Variants in EML5 observed in about 807,000 individuals in gnomAD.
EML5 encodes the protein echinoderm microtubule-associated protein-like 5.
In EML5, 120 loss-of-function variants were observed where a neutral mutation model predicts 250.0. That is an observed-to-expected ratio of 0.48 (90% CI 0.41 to 0.56). The LOEUF (loss-of-function observed/expected upper bound fraction) is 0.56, where lower values mean the gene tolerates loss of function less well. Ranked by LOEUF, EML5 falls within the 20% of genes least tolerant of loss-of-function variation. EML5 has a pLI of 0.00. For synonymous variants in EML5, 771 were observed against 806.5 expected (o/e 0.96, Z 0.75); for missense variants, 2,006 against 2,437.6 (o/e 0.82, Z 3.73).
chr14:88,624,641 A>G (rs2089634613), intron 36 of EML5: 1 of 225,888 alleles, frequency 4.4e-6, no homozygotes, highest in South Asian at 8.9e-5. Context: ...TCAAAATACA[A>G]CCCTGGCTCC....
intron 8 of EML5, among the ~76,000 whole-genome samples, chr14:88,715,886 AG>A (rs1205620570): frequency 6.6e-6 from 1 of 152,118 alleles, no homozygotes; most frequent in East Asian, 1.9e-4. Context: ...CATGTTGACC[AG>A]TGAAGTGGAA....
At chr14:88,770,766 T>C (rs148977792) in intron 1 of EML5, among the ~76,000 whole-genome samples, 3 of 152,216 alleles carry the variant, frequency 2.0e-5, no homozygotes, top group Admixed American at 1.3e-4. Context: ...AAACTCAACA[T>C]TTATGGATTA....
rs199524770 is a variant in EML5, at chr14:88,681,963, G to A, written c.3051C>T (p.Ser1017=). The A allele has an allele frequency of 3.9e-5, 63 of 1,613,400 alleles. No homozygotes were observed. The East Asian group carries it at 5.6e-4, about 14-fold the overall frequency. ...HPYLPICATV[S]DDKTLRIWDL... ...CCCATATTCTTAAGGTTTTATCATC[G>A]CTTACAGTAGCACAGATGGGCAGAT... is the stretch of plus-strand genomic sequence containing the variant. The change falls in exon 21 of 44, where the codon AGC becomes AGT. Residue 1017 remains serine (S), a synonymous_variant. Coordinates refer to ENST00000554922, the MANE Select transcript of EML5 (RefSeq NM_183387.3).
chr14:88,778,409 G>C (rs979479361), intron 1 of EML5, among the ~76,000 whole-genome samples: 1 of 152,142 alleles, frequency 6.6e-6, no homozygotes, highest in African/African-American at 2.4e-5. Context: ...AAGCCACTGT[G>C]GTTTGCCCTG....
chr14:88,626,572 G>T, intron 35 of EML5: 1 of 406,522 alleles, frequency 2.5e-6, no homozygotes, highest in Non-Finnish European at 4.5e-6. Context: ...AGCTATAATC[G>T]CACCATTGCA....
chr14:88,634,016 T>C (rs2090586400), intron 33 of EML5, among the ~76,000 whole-genome samples: 1 of 152,194 alleles, frequency 6.6e-6, no homozygotes. Context: ...AGTAACAAGA[T>C]ACTTGATGAT....
In EML5 at chr14:88,620,120, A is replaced by G. The variant is rs1219223166; in HGVS notation, c.5375+634T>C. 3.9e-5 allele frequency: 6 copies of G among 152,226 alleles called. No homozygotes were observed. The highest frequency in any genetic ancestry group is 1.4e-4 in the African/African-American group (6 of 41,460). 9.4% of individuals were successfully genotyped at this position (152,226 alleles called of 1,614,324 possible). On this transcript the variant is annotated intron_variant, in intron 39 of 43. Coordinates refer to ENST00000554922, the MANE Select transcript of EML5 (RefSeq NM_183387.3). The surrounding 1 kb of genome is among the most constrained non-coding windows in gnomAD (Gnocchi z 4.3). ...AGGGAAGCCACTGTTACTATTTTAT[A>G]TATTGAAGTTCTGAGGAAGGTTTCA...
chr14:88,679,981 T>C (rs1478440252), intron 21 of EML5, among the ~76,000 whole-genome samples: 1 of 152,188 alleles, frequency 6.6e-6, no homozygotes, highest in African/African-American at 2.4e-5. Flanking sequence ...TTAATAAACT[T>C]TGCTCCTTAA....
rs889792100 is a variant in EML5, at chr14:88,620,236, C to T, written c.5375+518G>A. On this transcript the variant is annotated intron_variant, in intron 39 of 43. Coordinates refer to ENST00000554922, the MANE Select transcript of EML5 (RefSeq NM_183387.3). This position sits in a 1 kb window ranked among gnomAD's most constrained non-coding sequence, Gnocchi z 4.3. Reference sequence around the variant, plus strand: ...ATCTACTGATCACACGGAAGTACTCCGTAAATGGTAGCCACTGTTGAAAAA... The same window carrying T: ...ATCTACTGATCACACGGAAGTACTCTGTAAATGGTAGCCACTGTTGAAAAA... 1 of 152,156 alleles carries T rather than the reference C, an allele frequency of 6.6e-6. No individual in the cohort carries two copies. Among genetic ancestry groups the T allele is most frequent in the Non-Finnish European group, 1.5e-5 (1 of 68,060 alleles). 9.4% of individuals were successfully genotyped at this position (152,156 alleles called of 1,614,324 possible).
In EML5 at chr14:88,630,270, T is replaced by A. The variant is rs530606618; in HGVS notation, c.4358-2451A>T. 1.3e-3 allele frequency among the ~76,000 whole-genome samples: 198 copies of A among 152,236 alleles called. 1 individual carries two copies. The highest frequency in any genetic ancestry group is 4.6e-3 in the African/African-American group (192 of 41,550). On this transcript the variant is annotated intron_variant, in intron 33 of 43. Coordinates refer to ENST00000554922, the MANE Select transcript of EML5 (RefSeq NM_183387.3). The stretch of plus-strand genomic sequence containing the variant: ...GTCTTGAACTCCCGGCCTCAGGTGA[T>A]CTGCCTGCCTTGGCCTCCCAAAGTG...
chr14:88,638,737 T>C lies in EML5; in HGVS notation c.4336+72A>G. ...ATAAATCAATAAAATTTTGATTTTT[T>C]CCTTGGATATTGAATTTATTTGAAC... On this transcript the variant is annotated intron_variant, in intron 32 of 43. Coordinates refer to ENST00000554922, the MANE Select transcript of EML5 (RefSeq NM_183387.3). 1.2e-5 allele frequency: 16 copies of C among 1,320,690 alleles called. No individual in the cohort carries two copies. In the South Asian group the frequency reaches 1.9e-4, roughly 16 times the overall value. 81.8% of individuals were successfully genotyped at this position (1,320,690 alleles called of 1,614,324 possible).
intron 17 of EML5, among the ~76,000 whole-genome samples, chr14:88,691,583 A>C (rs2092960492): frequency 6.6e-6 from 1 of 152,198 alleles, no homozygotes; most frequent in Non-Finnish European, 1.5e-5. Flanking sequence ...TACCATGAAT[A>C]GAGTTCAAAT....
intron 13 of EML5, among the ~76,000 whole-genome samples, chr14:88,703,280 T>C (rs2093252925): frequency 1.3e-5 from 2 of 152,238 alleles, no homozygotes; most frequent in African/African-American, 4.8e-5. Context: ...ATTTGTTGTA[T>C]AAGTATTTCT....
chr14:88,684,878 A>C, intron 20 of EML5, 137 bp downstream of exon 20: 1 of 774,750 alleles, frequency 1.3e-6, no homozygotes, highest in Non-Finnish European at 1.8e-6. Context: ...GTATACATTA[A>C]ATTTTTTTTC....
intron 33 of EML5, 37 bp from the exon 34 acceptor site, chr14:88,627,856 T>C (rs1222405601): frequency 6.6e-7 from 1 of 1,515,684 alleles, no homozygotes; most frequent in Non-Finnish European, 8.9e-7. Flanking sequence ...GTAATCTACC[T>C]GTTATAAATA....
At chr14:88,717,874 G>A (rs1176647414) in intron 8 of EML5, among the ~76,000 whole-genome samples, 1 of 152,192 alleles carries the variant, frequency 6.6e-6, no homozygotes, top group Non-Finnish European at 1.5e-5. Context: ...AGAAAAAAGT[G>A]AGCTTCTTTA....
intron 34 of EML5, 164 bp downstream of exon 34, chr14:88,627,482 T>C: frequency 1.6e-6 from 1 of 622,306 alleles, no homozygotes; most frequent in Non-Finnish European, 2.6e-6. Context: ...CACTGGGCTT[T>C]TAAAGTGAAA....
chr14:88,748,773 T>G (rs184054933), intron 2 of EML5, among the ~76,000 whole-genome samples: 2 of 151,944 alleles, frequency 1.3e-5, no homozygotes, highest in Admixed American at 1.3e-4. Flanking sequence ...CAGAAAACTG[T>G]TACATTATCT....
rs539163379 is a variant in EML5, at chr14:88,622,853, C to A, written c.4899-135G>T. ...ATATTTATAATTTACCTCTAATATT[C>A]TTGTAAACTTTCTATGGCAATTTGA... On this transcript the variant is annotated intron_variant, in intron 36 of 43. Transcript: ENST00000554922. 5.7e-6 allele frequency: 3 copies of A among 525,488 alleles called. No individual in the cohort carries two copies. In the Admixed American group the frequency reaches 1.2e-4, roughly 21 times the overall value. The allele number at this position is 525,488 out of a possible 1,614,324, so 32.6% of individuals were successfully genotyped here. A position where few individuals can be genotyped will look rare whatever the true frequency, so the allele number is the denominator to read the frequency against.
Sources: gnomAD v4.1 joint callset for allele counts (sites outside exome capture counted in the v4.1 genomes callset) on GRCh38, gnomAD v4.1.1 for gene constraint, Gnocchi (gnomAD v3.1) non-coding constraint, MANE v1.5 for transcripts, NCBI Gene and HGNC (gene_info 2026-07-23, HGNC 2026-07-21) for gene names.